Variants in ANO10 observed in about 807,000 individuals in gnomAD.
The protein encoded by ANO10 is anoctamin-10.
ANO10 carries 77 observed loss-of-function variants against 74.7 expected under a neutral mutation model. That is an observed-to-expected ratio of 1.03 (90% confidence interval 0.86 to 1.25). The LOEUF is 1.25. Among genes scored for constraint, ANO10 ranks in the 50% most tolerant of loss-of-function variants. The pLI, the probability that ANO10 is intolerant of heterozygous loss-of-function variation, is 0.00. For synonymous variants in ANO10, 279 were observed against 284.9 expected (o/e 0.98, Z 0.21); for missense variants, 721 against 778.1 (o/e 0.93, Z 0.87).
chr3:43,606,427 A>C (rs1559773057), intron 1 of ANO10, among the ~76,000 whole-genome samples: 1 of 152,156 alleles, frequency 6.6e-6, no homozygotes, highest in African/African-American at 2.4e-5. Context: ...TGTCTAACAT[A>C]CAATGGGAGT....
At chr3:43,579,026 A>T (rs137881845) in intron 5 of ANO10, among the ~76,000 whole-genome samples, 50 of 152,250 alleles carry the variant, frequency 3.3e-4, no homozygotes, top group Non-Finnish European at 5.4e-4. Context: ...GTTTTCAGAA[A>T]TAGAAAACAG....
At chr3:43,507,178 T>C (rs1012816252) in intron 11 of ANO10, among the ~76,000 whole-genome samples, 3 of 152,192 alleles carry the variant, frequency 2.0e-5, no homozygotes, top group Admixed American at 6.5e-5. Context: ...TAAGTACATT[T>C]CTCTCTGTAT....
At chr3:43,574,964 C>T (rs926277198) in intron 6 of ANO10, 100 bp from the exon 7 acceptor site, 9 of 899,570 alleles carry the variant, frequency 1.0e-5, no homozygotes, top group Non-Finnish European at 1.7e-5. Context: ...AGATGTCCAA[C>T]ATCAGAGCCT....
chr3:43,477,081 A>T (rs2076094050), intron 11 of ANO10, among the ~76,000 whole-genome samples: 1 of 152,178 alleles, frequency 6.6e-6, no homozygotes, highest in South Asian at 2.1e-4. Flanking sequence ...CCTGCTCTGC[A>T]CCCCTCTACC....
chr3:43,576,043 C>A (rs1460626536), intron 6 of ANO10, among the ~76,000 whole-genome samples: 1 of 152,162 alleles, frequency 6.6e-6, no homozygotes, highest in African/African-American at 2.4e-5. Flanking sequence ...GAGTCAATGG[C>A]CTATCAAGAC....
chr3:43,537,577 T>C (rs986801612), intron 11 of ANO10, among the ~76,000 whole-genome samples: 1 of 149,382 alleles, frequency 6.7e-6, no homozygotes, highest in African/African-American at 2.5e-5. Context: ...AGCAGAACCA[T>C]GATCTCAGGC....
At chr3:43,454,183 C>T (rs546260304) in intron 11 of ANO10, among the ~76,000 whole-genome samples, 1 of 152,194 alleles carries the variant, frequency 6.6e-6, no homozygotes, top group East Asian at 1.9e-4. Context: ...GAGGCAGTAG[C>T]CTGGCTGTTC....
intron 11 of ANO10, chr3:43,485,909 G>T: frequency 4.2e-6 from 1 of 239,650 alleles, no homozygotes; most frequent in Non-Finnish European, 8.5e-6. Context: ...ACCGCCACCC[G>T]CAAAAGGTAC....
intron 11 of ANO10, among the ~76,000 whole-genome samples, chr3:43,540,131 T>C (rs1208097768): frequency 6.6e-6 from 1 of 152,238 alleles, no homozygotes; most frequent in Non-Finnish European, 1.5e-5. Flanking sequence ...ATGACACAAT[T>C]GGGGCCAATA....
chr3:43,551,123 GGTGGGCATTTAGTTGCTATTACAAACA>G (rs1457016180), intron 10 of ANO10, among the ~76,000 whole-genome samples: 1 of 152,106 alleles, frequency 6.6e-6, no homozygotes, highest in African/African-American at 2.4e-5. Flanking sequence ...TTTTCTTATT[GGTGGGCATTTAGTTGCTATTACAAACA>G]GTGCTACAAT....
chr3:43,378,765 T>G (rs997225609), intron 12 of ANO10, among the ~76,000 whole-genome samples: 1 of 152,156 alleles, frequency 6.6e-6, no homozygotes, highest in Non-Finnish European at 1.5e-5. Context: ...GCACCCCTTC[T>G]ATAGAGCCTG....
Position 43,580,546 on chromosome 3 carries a change from T to C in ANO10, c.473-74A>G, listed in dbSNP as rs1402470218. On this transcript the variant is annotated intron_variant, in intron 4 of 12. Transcript: ENST00000292246. ...GCATGATACGCTTCAGCAAATACTA[T>C]AAGGACACTCCACAGAGGAGTACAA... 5.1e-6 allele frequency: 8 copies of C among 1,579,772 alleles called. No homozygotes were observed. The South Asian group carries it at 7.8e-5, about 15-fold the overall frequency.
At chr3:43,614,234 T>A (rs1480800551) in intron 1 of ANO10, among the ~76,000 whole-genome samples, 1 of 152,238 alleles carries the variant, frequency 6.6e-6, no homozygotes, top group Admixed American at 6.5e-5. Context: ...ACAATTTTGC[T>A]GAGACACTAA....
chr3:43,406,379 T>C (rs911981963), intron 12 of ANO10, among the ~76,000 whole-genome samples: 1 of 152,216 alleles, frequency 6.6e-6, no homozygotes, highest in Non-Finnish European at 1.5e-5. Flanking sequence ...CATCGAGCTA[T>C]AAATATCATG....
At chr3:43,603,191 C>G (rs2082412454) in intron 2 of ANO10, among the ~76,000 whole-genome samples, 1 of 152,168 alleles carries the variant, frequency 6.6e-6, no homozygotes, top group South Asian at 2.1e-4. Flanking sequence ...CCCAAGTTCT[C>G]TGCCAACTGT....
chr3:43,493,958 A>T (rs2076823476), intron 11 of ANO10, among the ~76,000 whole-genome samples: 1 of 151,694 alleles, frequency 6.6e-6, no homozygotes, highest in Non-Finnish European at 1.5e-5. Flanking sequence ...CTAGTCTTGA[A>T]CTCCTGGCAT....
At chr3:43,544,091 T>C (rs1046202391) in intron 11 of ANO10, among the ~76,000 whole-genome samples, 2 of 152,146 alleles carry the variant, frequency 1.3e-5, no homozygotes, top group Non-Finnish European at 2.9e-5. Flanking sequence ...CATACATAAT[T>C]CTGCAGGTAA....
intron 10 of ANO10, among the ~76,000 whole-genome samples, chr3:43,552,714 A>ATGTATG (rs1288922298): frequency 1.5e-5 from 2 of 133,594 alleles, no homozygotes; most frequent in Non-Finnish European, 3.1e-5. Flanking sequence ...ATATATATAT[A>ATGTATG]TATATATATA....
At chr3:43,688,202 C>T (rs981531054) in intron 1 of ANO10, among the ~76,000 whole-genome samples, 1 of 152,116 alleles carries the variant, frequency 6.6e-6, no homozygotes, top group African/African-American at 2.4e-5. Flanking sequence ...CAGGCACAGG[C>T]ATCTTTGAGA....
Sources: allele counts gnomAD v4.1 joint callset (sites outside exome capture counted in the v4.1 genomes callset), GRCh38; gene constraint gnomAD v4.1.1; transcripts MANE v1.5; gene names NCBI Gene and HGNC (gene_info 2026-07-23, HGNC 2026-07-21).